ITLN2: variants seen among roughly 807,000 people sequenced by gnomAD.
ITLN2 encodes the protein intelectin 2, also known as intelectin-2.
Under a neutral mutation model 39.4 loss-of-function variants are expected in ITLN2, and 29 were observed. The observed-to-expected ratio is 0.74, with a 90% CI of 0.55 to 1.00. The LOEUF is 1.00. ITLN2 is among the 50% of genes least tolerant of loss of function. The probability of loss-of-function intolerance (pLI) is 0.00; values close to 1 mark genes in which losing one functional copy is unlikely to be tolerated. For missense variants in ITLN2, 412 were observed against 416.7 expected, an observed-to-expected ratio of 0.99 and a Z score of 0.10; for synonymous variants, 156 against 153.4, an observed-to-expected ratio of 1.02 and a Z score of -0.12.
At chr1:160,950,500 C>T in intron 5 of ITLN2, 53 bp downstream of exon 5, 1 of 1,589,122 alleles carries the variant, frequency 6.3e-7, no homozygotes. Context: ...ACCCTAGACA[C>T]TTCGATCTCT....
At position 160,951,261 on chromosome 1, in the gene ITLN2, C is replaced by T. The variant is rs1671736835; in HGVS notation, c.223G>A (p.Gly75Ser). ...TCACAGAAGGTCTGGTAGACAACAC[C>T]ATTCTTGGTGCGGAGAAAATACAGG... ...DGLYFLRTKN[G>S]VVYQTFCDMT... is the part of the protein sequence containing the mutation. Residue 75 changes from glycine to serine, a missense_variant, in exon 4 of 8, where the codon GGT becomes AGT. Transcript: ENST00000368029. 17 of 1,599,062 alleles carry T rather than the reference C, an allele frequency of 1.1e-5. No individual in the cohort carries two copies. The highest frequency in any genetic ancestry group is 2.7e-5 in the African/African-American group (2 of 74,736).
At chr1:160,954,482 G>T in intron 1 of ITLN2, 32 bp from the exon 2 acceptor site, 2 of 1,529,190 alleles carry the variant, frequency 1.3e-6, no homozygotes. Context: ...AAGGTCACTG[G>T]CTGGCCCTTC....
chr1:160,950,109 G>A lies in ITLN2; in HGVS notation c.658C>T (p.Pro220Ser), dbSNP rs774518807. ...GCATCACCAAAGTCATAGACCACAG[G>A]TATGGCTGGGCCATTGTCATTCCAA... Reference protein sequence around the residue: ...KCWNDNGPAIPVVYDFGDAKK... With the variant: ...KCWNDNGPAISVVYDFGDAKK... The change falls in exon 6 of 8, where the codon CCT becomes TCT. Residue 220 changes from proline to serine, a missense_variant. Pro to Ser is a moderately conservative substitution (Grantham distance 74, BLOSUM62 -1). Transcript: ENST00000368029. 2 of 1,613,252 alleles carry A rather than the reference G, an allele frequency of 1.2e-6. No individual in the cohort carries two copies. The highest frequency in any genetic ancestry group is 1.7e-5 in the Admixed American group (1 of 60,008).
chr1:160,951,893 C>A (rs987371602), intron 3 of ITLN2, among the ~76,000 whole-genome samples: 3 of 152,208 alleles, frequency 2.0e-5, no homozygotes, highest in African/African-American at 7.2e-5. Context: ...TTCGTGGAGG[C>A]TGTCATGAGA....
chr1:160,951,597 CATCTG>C (rs1671747264), intron 3 of ITLN2: 1 of 288,498 alleles, frequency 3.5e-6, no homozygotes, highest in South Asian at 6.5e-5. Flanking sequence ...GCACACGCCA[CATCTG>C]ATTCTACAGC....
At chr1:160,952,277 T>C (rs1177365505) in intron 3 of ITLN2, among the ~76,000 whole-genome samples, 4 of 152,228 alleles carry the variant, frequency 2.6e-5, no homozygotes, top group Admixed American at 2.0e-4. Flanking sequence ...TGGCTACTGC[T>C]ATTTCTGTGA....
intron 3 of ITLN2, chr1:160,951,549 G>A (rs113033748): frequency 1.4e-5 from 6 of 431,352 alleles, no homozygotes; most frequent in African/African-American, 4.0e-5. Context: ...TCTCCCTCTC[G>A]ACAGTGCCAC....
Position 160,952,588 on chromosome 1 carries a change from A to G in ITLN2, c.193+32T>C, listed in dbSNP as rs762091273. 7.9e-6 allele frequency: 12 copies of G among 1,514,504 alleles called. No individual in the cohort carries two copies. In the Admixed American group the frequency reaches 1.3e-4, roughly 17 times the overall value. 93.8% of individuals were successfully genotyped at this position (1,514,504 alleles called of 1,614,324 possible). A position where few individuals can be genotyped will look rare whatever the true frequency, so the allele number is the denominator to read the frequency against. ...TCTGTTGAGCTAAAAAGTGGCTTCAAAGAGAGAATGCTGAGTTGGTTCATT... is the reference window on the plus strand; with the variant it reads ...TCTGTTGAGCTAAAAAGTGGCTTCAGAGAGAGAATGCTGAGTTGGTTCATT... On this transcript the variant is annotated intron_variant, in intron 3 of 7. Transcript: ENST00000368029.
At position 160,954,778 on chromosome 1, in the gene ITLN2, T is replaced by G. The variant is rs761983286; in HGVS notation, c.-37A>C. ...CCAGGAGCTGATAGTTCCCTTCCTG[T>G]GGACACTCGGAGCTCCCCTGCAGAG... On this transcript the variant is annotated 5_prime_UTR_variant, in exon 1 of 8. Transcript: ENST00000368029. 2.5e-6 allele frequency: 4 copies of G among 1,612,176 alleles called. No individual in the cohort carries two copies. The highest frequency in any genetic ancestry group is 3.4e-6 in the Non-Finnish European group (4 of 1,178,678).
intron 6 of ITLN2, among the ~76,000 whole-genome samples, 183 bp from the exon 7 acceptor site, chr1:160,948,215 G>T (rs1335363716): frequency 7.0e-6 from 1 of 143,600 alleles, no homozygotes; most frequent in Non-Finnish European, 1.5e-5. Flanking sequence ...TCCTAAACTT[G>T]TCCCCAAGGA....
intron 2 of ITLN2, among the ~76,000 whole-genome samples, chr1:160,953,402 G>A (rs532545726): frequency 9.9e-4 from 150 of 152,218 alleles, no homozygotes; most frequent in African/African-American, 3.3e-3. Context: ...CTGGCAGAGC[G>A]GGAAAAAGTG....
Position 160,948,171 on chromosome 1 carries a change from A to G in ITLN2, c.722-139T>C, listed in dbSNP as rs538360888. ...ACCCCAGGCTGTAGGGGTGCAGCCC[A>G]GTACCTTTATGGCCAGTGGCTGGTG... On this transcript the variant is annotated intron_variant, in intron 6 of 7. Coordinates refer to ENST00000368029, the MANE Select transcript of ITLN2 (RefSeq NM_080878.3). The G allele has an allele frequency of 1.1e-4, 69 of 650,082 alleles. No individual in the cohort carries two copies. The East Asian group carries it at 1.8e-3, about 17-fold the overall frequency. The allele number at this position is 650,082 out of a possible 1,614,324, so 40.3% of individuals were successfully genotyped here.
chr1:160,952,897 A>G (rs1671777167), intron 2 of ITLN2, among the ~76,000 whole-genome samples, 164 bp from the exon 3 acceptor site: 1 of 152,194 alleles, frequency 6.6e-6, no homozygotes, highest in Non-Finnish European at 1.5e-5. Flanking sequence ...TATAGGTTAA[A>G]CACCTGGAAT....
Position 160,946,035 on chromosome 1 carries a change from G to A in ITLN2, c.826-743C>T, listed in dbSNP as rs189942673. Among the ~76,000 whole-genome samples, 36 of 152,206 alleles carry A rather than the reference G, an allele frequency of 2.4e-4. No homozygotes were observed. In the East Asian group the frequency reaches 4.4e-3, roughly 19 times the overall value. Reference sequence around the variant, plus strand: ...AAATAAATTATACTCAGCCGGGCACGGTGACTCATGCCTGTAATCCCAGCA... The same window carrying A: ...AAATAAATTATACTCAGCCGGGCACAGTGACTCATGCCTGTAATCCCAGCA... On this transcript the variant is annotated intron_variant, in intron 7 of 7. Coordinates refer to ENST00000368029, the MANE Select transcript of ITLN2 (RefSeq NM_080878.3).
chr1:160,950,731 G>A lies in ITLN2; in HGVS notation c.442-20C>T, dbSNP rs1671722773. The A allele has an allele frequency of 1.9e-6, 3 of 1,604,740 alleles. No homozygotes were observed. In the East Asian group the frequency reaches 6.7e-5, roughly 36 times the overall value. ...AGGGTTCTGGAAAGCAACAGACACT[G>A]AGCCTGACTGGGCCAGGAGGTACCA... On this transcript the variant is annotated intron_variant, in intron 4 of 7. Coordinates refer to ENST00000368029, the MANE Select transcript of ITLN2 (RefSeq NM_080878.3).
At chr1:160,950,840 C>T (rs145937696) in intron 4 of ITLN2, 129 bp from the exon 5 acceptor site, 332 of 1,469,794 alleles carry the variant, frequency 2.3e-4, no homozygotes, top group Non-Finnish European at 2.9e-4. Context: ...CGCTCAGACA[C>T]CCCACTCCCA....
chr1:160,950,872 C>G (rs1570974100), intron 4 of ITLN2, 161 bp from the exon 5 acceptor site: 14 of 1,470,534 alleles, frequency 9.5e-6, no homozygotes, highest in South Asian at 1.3e-5. Flanking sequence ...CACCACCACC[C>G]AGGGCCCTAA....
rs768021959 is a variant in ITLN2, at chr1:160,949,285, G to T, written c.721+761C>A. The stretch of plus-strand genomic sequence containing the variant: ...TACACCAAAACATTCCATTGCCCAG[G>T]GATAAGCAGAAGACAGATGCCTTCC... On this transcript the variant is annotated intron_variant, in intron 6 of 7. Transcript: ENST00000368029. 5 of 152,096 alleles carry T rather than the reference G, an allele frequency of 3.3e-5. No homozygotes were observed. In the East Asian group the frequency reaches 9.6e-4, roughly 29 times the overall value. 9.4% of individuals were successfully genotyped at this position (152,096 alleles called of 1,614,324 possible).
Position 160,948,123 on chromosome 1 carries a change from A to G in ITLN2, c.722-91T>C. The G allele has an allele frequency of 5.8e-6, 6 of 1,026,034 alleles. No homozygotes were observed. In the South Asian group the frequency reaches 8.2e-5, roughly 14 times the overall value. The allele number at this position is 1,026,034 out of a possible 1,614,324, so 63.6% of individuals were successfully genotyped here. ...GGCCAGTCCAGGGATTCCCTAAGCCAAAAGCTGAGGCTACAGCCAAACACC... is the reference window on the plus strand; with the variant it reads ...GGCCAGTCCAGGGATTCCCTAAGCCGAAAGCTGAGGCTACAGCCAAACACC... On this transcript the variant is annotated intron_variant, in intron 6 of 7. Coordinates refer to ENST00000368029, the MANE Select transcript of ITLN2 (RefSeq NM_080878.3).
Sources: gnomAD v4.1 joint callset for allele counts (sites outside exome capture counted in the v4.1 genomes callset) on GRCh38, gnomAD v4.1.1 for gene constraint, MANE v1.5 for transcripts, NCBI Gene and HGNC (gene_info 2026-07-23, HGNC 2026-07-21) for gene names.